Variants in ATP2B2 observed in about 807,000 individuals in gnomAD.
ATP2B2 encodes ATPase plasma membrane Ca2+ transporting 2, also known as plasma membrane calcium-transporting ATPase 2.
Under a neutral mutation model 120.0 loss-of-function variants are expected in ATP2B2, and 15 were observed. The observed-to-expected ratio is 0.12, with a 90% CI of 0.08 to 0.19. The LOEUF is 0.19. Among genes scored for constraint, ATP2B2 ranks in the 10% least tolerant of loss-of-function variants. The probability of loss-of-function intolerance (pLI) is 1.00; values close to 1 mark genes in which losing one functional copy is unlikely to be tolerated. For synonymous variants in ATP2B2, 694 were observed against 700.3 expected, an observed-to-expected ratio of 0.99 and a Z score of 0.14; for missense variants, 1,045 against 1,719.8, an observed-to-expected ratio of 0.61 and a Z score of 6.94.
chr3:10,360,241 G>C (rs1295527759), intron 12 of ATP2B2, 118 bp from the exon 13 acceptor site: 1 of 1,452,748 alleles, frequency 6.9e-7, no homozygotes, highest in East Asian at 2.4e-5. Flanking sequence ...TGGGGGCTGA[G>C]CCCTCAGGGA....
At chr3:10,705,467 G>T (rs2071881995) in intron 1 of ATP2B2, among the ~76,000 whole-genome samples, 1 of 152,312 alleles carries the variant, frequency 6.6e-6, no homozygotes, top group South Asian at 2.1e-4. Flanking sequence ...CCAGAAAGCT[G>T]CCTCTGATTT....
chr3:10,338,396 C>A (rs2060185522), intron 21 of ATP2B2, 38 bp from the exon 22 acceptor site: 2 of 1,612,856 alleles, frequency 1.2e-6, no homozygotes, highest in Admixed American at 3.3e-5. Flanking sequence ...GTGGGGCTGT[C>A]CTTCCCAGTG....
At chr3:10,580,629 C>T (rs909824097) in intron 2 of ATP2B2, among the ~76,000 whole-genome samples, 5 of 152,154 alleles carry the variant, frequency 3.3e-5, no homozygotes, top group African/African-American at 1.2e-4. Flanking sequence ...GCCCCTCCTC[C>T]CTGCCTCCCC....
chr3:10,653,916 C>A (rs1040839361), intron 1 of ATP2B2, among the ~76,000 whole-genome samples: 8 of 152,096 alleles, frequency 5.3e-5, no homozygotes, highest in African/African-American at 1.9e-4. Flanking sequence ...CATTTTTTCT[C>A]ATCCTGTCCC....
intron 1 of ATP2B2, among the ~76,000 whole-genome samples, chr3:10,703,501 G>A (rs141581148): frequency 6.3e-4 from 96 of 152,234 alleles, no homozygotes; most frequent in African/African-American, 2.0e-3. Context: ...TCAAATTGTT[G>A]GAGGAGTGTG....
chr3:10,650,414 G>T lies in ATP2B2; in HGVS notation c.-459-30453C>A, dbSNP rs1039006767. ...TTTCTAAGCAGCAAAGCATTCAAGA[G>T]GTGACTTGGGTGCTGTTAAGGGCAT... On this transcript the variant is annotated intron_variant, in intron 1 of 21. Coordinates refer to the ATP2B2 transcript ENST00000646379. Among the ~76,000 whole-genome samples the T allele has an allele frequency of 2.0e-5, 3 of 152,326 alleles. No individual in the cohort carries two copies. In the East Asian group the frequency reaches 5.8e-4, roughly 29 times the overall value.
intron 1 of ATP2B2, among the ~76,000 whole-genome samples, chr3:10,672,438 A>C (rs569817452): frequency 6.6e-6 from 1 of 152,348 alleles, no homozygotes; most frequent in South Asian, 2.1e-4. Flanking sequence ...CAGCTGGTTT[A>C]ATGGGCTCTC....
At chr3:10,464,720 C>T (rs1233138960) in intron 1 of ATP2B2, among the ~76,000 whole-genome samples, 2 of 152,234 alleles carry the variant, frequency 1.3e-5, no homozygotes, top group African/African-American at 2.4e-5. Flanking sequence ...AATCACAGCC[C>T]CTCCCTCCCA....
chr3:10,572,758 C>T (rs370042641), intron 2 of ATP2B2, among the ~76,000 whole-genome samples: 1 of 152,160 alleles, frequency 6.6e-6, no homozygotes, highest in Non-Finnish European at 1.5e-5. Context: ...CTGCAGGGGC[C>T]ACATGAGAAA....
At chr3:10,463,364 T>C (rs910693747) in intron 1 of ATP2B2, among the ~76,000 whole-genome samples, 11 of 152,018 alleles carry the variant, frequency 7.2e-5, no homozygotes, top group Non-Finnish European at 1.0e-4. Context: ...AAGCGAGGAA[T>C]ATTAGGGTGA....
intron 2 of ATP2B2, among the ~76,000 whole-genome samples, chr3:10,587,761 T>C (rs1490358586): frequency 1.3e-5 from 2 of 152,128 alleles, no homozygotes; most frequent in Non-Finnish European, 2.9e-5. Context: ...GTTTGTTTGT[T>C]TGTTTGTTTG....
At chr3:10,356,129 CT>C (rs2060720225) in intron 14 of ATP2B2, among the ~76,000 whole-genome samples, 1 of 76,526 alleles carries the variant, frequency 1.3e-5, no homozygotes, top group African/African-American at 4.3e-5. Context: ...AAAAGAACTA[CT>C]TGTCCTTTCC....
chr3:10,649,250 C>T (rs1459461204), intron 1 of ATP2B2, among the ~76,000 whole-genome samples: 3 of 152,176 alleles, frequency 2.0e-5, no homozygotes, highest in African/African-American at 7.2e-5. Flanking sequence ...AAGTTCTGTC[C>T]TTCAGTCATA....
chr3:10,499,161 C>T (rs1256712879), intron 1 of ATP2B2, among the ~76,000 whole-genome samples: 2 of 152,198 alleles, frequency 1.3e-5, no homozygotes, highest in Non-Finnish European at 2.9e-5. Flanking sequence ...CTGGCGAGGC[C>T]CTGAGCCAAG....
intron 6 of ATP2B2, 27 bp downstream of exon 6, chr3:10,388,250 C>T (rs751595227): frequency 6.2e-7 from 1 of 1,614,070 alleles, no homozygotes; most frequent in Non-Finnish European, 8.5e-7. Context: ...GAGCTCCTCT[C>T]CTGGTCTGCA....
At chr3:10,673,328 A>G (rs1255509188) in intron 1 of ATP2B2, among the ~76,000 whole-genome samples, 1 of 152,108 alleles carries the variant, frequency 6.6e-6, no homozygotes, top group African/African-American at 2.4e-5. Context: ...GTGCTCCCTA[A>G]TGGAGTGTGT....
intron 3 of ATP2B2, among the ~76,000 whole-genome samples, chr3:10,404,593 G>A (rs1256752558): frequency 6.6e-6 from 1 of 152,190 alleles, no homozygotes; most frequent in Non-Finnish European, 1.5e-5. Flanking sequence ...CCAGTGTGTG[G>A]GTGAGCATTA....
chr3:10,686,684 C>A (rs565729721), intron 1 of ATP2B2, among the ~76,000 whole-genome samples: 1 of 152,188 alleles, frequency 6.6e-6, no homozygotes, highest in East Asian at 1.9e-4. Context: ...TCATTCAGCA[C>A]TTTTTGTGTT....
intron 1 of ATP2B2, among the ~76,000 whole-genome samples, chr3:10,703,001 C>T (rs1171319371): frequency 1.3e-5 from 2 of 152,176 alleles, no homozygotes; most frequent in African/African-American, 4.8e-5. Flanking sequence ...GCTATGCAGC[C>T]CCTCTCCTTA....
Sources: allele counts gnomAD v4.1 joint callset (sites outside exome capture counted in the v4.1 genomes callset), GRCh38; gene constraint gnomAD v4.1.1; transcripts MANE v1.5; gene names NCBI Gene and HGNC (gene_info 2026-07-23, HGNC 2026-07-21).